SPIN1: variants seen among roughly 807,000 people sequenced by gnomAD.
SPIN1 encodes the protein spindlin-1.
In SPIN1, 3 loss-of-function variants were observed where a neutral mutation model predicts 26.0. The ratio of observed to expected loss-of-function variants is 0.12; its 90% confidence interval spans 0.05 to 0.30. The LOEUF is 0.30. Among genes scored for constraint, SPIN1 ranks in the 10% least tolerant of loss-of-function variants. The pLI, the probability that SPIN1 is intolerant of heterozygous loss-of-function variation, is 1.00. For missense variants in SPIN1, 126 were observed against 333.4 expected (o/e 0.38, Z 4.84); for synonymous variants, 101 against 116.5 (o/e 0.87, Z 0.86).
chr9:88,462,975 C>T (rs542555568), intron 4 of SPIN1, among the ~76,000 whole-genome samples: 6 of 152,148 alleles, frequency 3.9e-5, no homozygotes, highest in East Asian at 1.9e-4. Context: ...AAGTTTGCCA[C>T]GTAATAATTT....
At chr9:88,449,315 C>G in intron 3 of SPIN1, among the ~76,000 whole-genome samples, 1 of 152,126 alleles carries the variant, frequency 6.6e-6, no homozygotes, top group East Asian at 1.9e-4. Context: ...GTGAGCCTTG[C>G]GTGCAGGCTT....
intron 3 of SPIN1, among the ~76,000 whole-genome samples, chr9:88,455,150 G>A (rs558980104): frequency 6.6e-6 from 1 of 152,168 alleles, no homozygotes; most frequent in Non-Finnish European, 1.5e-5. Context: ...TATACGCATT[G>A]CATTAATGTA....
chr9:88,388,732 T>C (rs565606810), intron 1 of SPIN1, among the ~76,000 whole-genome samples, 194 bp downstream of exon 1: 151 of 148,460 alleles, frequency 1.0e-3, no homozygotes, highest in African/African-American at 3.6e-3. Flanking sequence ...TGGGCGGGCC[T>C]GGGCCTCGGG....
chr9:88,455,081 G>A (rs1347518458), intron 3 of SPIN1, among the ~76,000 whole-genome samples: 1 of 152,158 alleles, frequency 6.6e-6, no homozygotes, highest in African/African-American at 2.4e-5. Context: ...ATAAATGTAG[G>A]AATTGCCATC....
At chr9:88,404,511 C>T (rs910538373) in intron 1 of SPIN1, among the ~76,000 whole-genome samples, 4 of 152,152 alleles carry the variant, frequency 2.6e-5, no homozygotes, top group African/African-American at 9.7e-5. Flanking sequence ...GCTTAAAACA[C>T]AAACACATTG....
At chr9:88,403,715 A>G (rs1564023013) in intron 1 of SPIN1, among the ~76,000 whole-genome samples, 2 of 152,302 alleles carry the variant, frequency 1.3e-5, no homozygotes, top group Middle Eastern at 3.4e-3. Context: ...CCTGTCTTCA[A>G]AGCGGGGGAA....
chr9:88,431,803 G>A (rs952565520), intron 2 of SPIN1, among the ~76,000 whole-genome samples: 3 of 152,038 alleles, frequency 2.0e-5, no homozygotes, highest in African/African-American at 7.2e-5. Context: ...TAATCCCAGC[G>A]CTTTGGGAAG....
chr9:88,468,592 T>A lies in SPIN1; in HGVS notation c.576T>A (p.Ile192=). The part of the protein sequence containing the change: ...LDDYKEGDLR[I]MPDSNDSPPA... The stretch of plus-strand genomic sequence containing the variant: ...ATTACAAAGAAGGCGACCTTCGCAT[T>A]ATGCCTGATTCCAGTAAGTATATAT... Residue 192 remains isoleucine, a synonymous_variant, in exon 5 of 6, where the codon ATT becomes ATA. Transcript: ENST00000375859. The A allele has an allele frequency of 6.5e-7, 1 of 1,546,298 alleles. No individual in the cohort carries two copies. The highest frequency in any genetic ancestry group is 1.3e-5 in the South Asian group (1 of 77,344).
At chr9:88,432,344 G>A (rs1049391578) in intron 2 of SPIN1, among the ~76,000 whole-genome samples, 1 of 151,776 alleles carries the variant, frequency 6.6e-6, no homozygotes, top group Non-Finnish European at 1.5e-5. Context: ...ATGCGCTACT[G>A]CCCTGGCTAA....
At chr9:88,422,478 A>T (rs1827688932) in intron 1 of SPIN1, among the ~76,000 whole-genome samples, 1 of 152,186 alleles carries the variant, frequency 6.6e-6, no homozygotes, top group South Asian at 2.1e-4. Flanking sequence ...GCTCTAGTTC[A>T]TCTGAATTTT....
At chr9:88,430,635 A>G (rs757563449) in intron 2 of SPIN1, among the ~76,000 whole-genome samples, 5 of 152,206 alleles carry the variant, frequency 3.3e-5, no homozygotes, top group Non-Finnish European at 5.9e-5. Flanking sequence ...TTTGAAAGTA[A>G]TAATTTTATA....
intron 2 of SPIN1, among the ~76,000 whole-genome samples, chr9:88,429,941 G>A (rs1395077752): frequency 6.6e-6 from 1 of 152,080 alleles, no homozygotes; most frequent in Non-Finnish European, 1.5e-5. Context: ...GAGGAGGAAG[G>A]CCAAATATAT....
chr9:88,459,053 G>T lies in SPIN1; in HGVS notation c.102-3443G>T, dbSNP rs528476744. ...TAACCACCATATGGGTGAAGATGCT[G>T]TATTTGCTTATAATTTTGTTAGTAA... On this transcript the variant is annotated intron_variant, in intron 3 of 5. Coordinates refer to ENST00000375859, the MANE Select transcript of SPIN1 (RefSeq NM_006717.3). Among the ~76,000 whole-genome samples the T allele has an allele frequency of 3.9e-5, 6 of 152,162 alleles. No homozygotes were observed. In the East Asian group the frequency reaches 1.2e-3, roughly 29 times the overall value.
chr9:88,462,188 A>G (rs1828589582), intron 3 of SPIN1, among the ~76,000 whole-genome samples: 1 of 152,244 alleles, frequency 6.6e-6, no homozygotes, highest in Non-Finnish European at 1.5e-5. Context: ...ATAAACTCAG[A>G]AAGCTGATAA....
At chr9:88,461,360 A>G (rs1828573679) in intron 3 of SPIN1, among the ~76,000 whole-genome samples, 2 of 152,176 alleles carry the variant, frequency 1.3e-5, no homozygotes, top group South Asian at 4.1e-4. Context: ...GGTTAGGTTC[A>G]GACCCCCTTG....
chr9:88,423,865 A>G (rs1277135486), intron 1 of SPIN1, among the ~76,000 whole-genome samples: 1 of 151,978 alleles, frequency 6.6e-6, no homozygotes, highest in Non-Finnish European at 1.5e-5. Flanking sequence ...TCCTGGGTTC[A>G]AGTGATTCTC....
intron 3 of SPIN1, among the ~76,000 whole-genome samples, chr9:88,449,432 T>C (rs1288667186): frequency 6.6e-6 from 1 of 152,160 alleles, no homozygotes; most frequent in Non-Finnish European, 1.5e-5. Context: ...CTCACTGTTT[T>C]ATAGCATTTT....
At chr9:88,417,461 TTTTA>T (rs1221337892) in intron 1 of SPIN1, among the ~76,000 whole-genome samples, 1 of 152,038 alleles carries the variant, frequency 6.6e-6, no homozygotes, top group African/African-American at 2.4e-5. Context: ...AGGTTATTTA[TTTTA>T]TTTATTTACT....
intron 2 of SPIN1, 74 bp downstream of exon 2, chr9:88,426,665 G>A: frequency 7.4e-7 from 1 of 1,357,746 alleles, no homozygotes; most frequent in South Asian, 1.3e-5. Context: ...GTAAAATTGG[G>A]TACTTTCACA....
Sources: gnomAD v4.1 joint callset for allele counts (sites outside exome capture counted in the v4.1 genomes callset) on GRCh38, gnomAD v4.1.1 for gene constraint, MANE v1.5 for transcripts, NCBI Gene and HGNC (gene_info 2026-07-23, HGNC 2026-07-21) for gene names.